PSEN1: variants seen among roughly 807,000 people sequenced by gnomAD.
PSEN1 encodes presenilin 1.
Under a neutral mutation model 53.5 loss-of-function variants are expected in PSEN1, and 15 were observed. That is an observed-to-expected ratio of 0.28 (90% confidence interval 0.19 to 0.43). The LOEUF is 0.43. Ranked by LOEUF, PSEN1 falls within the 20% of genes least tolerant of loss-of-function variation. PSEN1 has a pLI of 1.00. For synonymous variants in PSEN1, 208 were observed against 209.8 expected, an observed-to-expected ratio of 0.99 and a Z score of 0.08; for missense variants, 387 against 571.2, an observed-to-expected ratio of 0.68 and a Z score of 3.29.
intron 1 of PSEN1, among the ~76,000 whole-genome samples, chr14:73,140,132 T>C (rs1896876790): frequency 1.3e-5 from 2 of 151,830 alleles, no homozygotes; most frequent in Admixed American, 1.3e-4. Context: ...TACAAAGGTA[T>C]ATAGGACCAT....
chr14:73,173,899 T>G (rs1595003120), intron 5 of PSEN1, 192 bp downstream of exon 5: 2 of 719,862 alleles, frequency 2.8e-6, no homozygotes, highest in South Asian at 3.3e-5. Context: ...GCATGTGTAA[T>G]GCCAGGCTCA....
intron 11 of PSEN1, among the ~76,000 whole-genome samples, chr14:73,218,546 T>C (rs1900016713): frequency 6.6e-6 from 1 of 152,096 alleles, no homozygotes; most frequent in Non-Finnish European, 1.5e-5. Context: ...AAGAAAGCAG[T>C]GTACTCCTCA....
At chr14:73,209,756 G>A (rs147519551) in intron 9 of PSEN1, among the ~76,000 whole-genome samples, 183 of 152,352 alleles carry the variant, frequency 1.2e-3, no homozygotes, top group Non-Finnish European at 2.0e-3. Flanking sequence ...GGTAATAGGG[G>A]ACGGCCCGCT....
intron 10 of PSEN1, 123 bp downstream of exon 10, chr14:73,212,065 A>G (rs1471506506): frequency 4.1e-6 from 1 of 244,184 alleles, no homozygotes; most frequent in East Asian, 1.3e-4. Flanking sequence ...TGTAACTTTT[A>G]TTTGGATATA....
rs1218864605 is a variant in PSEN1 at position 73,183,929 on chromosome 14, G to A, written c.481-2924G>A. On this transcript the variant is annotated intron_variant, in intron 5 of 11. Transcript: ENST00000324501. ...GGGGCGGCTGGCCGGGCGGGGGGCT[G>A]ACCCCCCCACCTCCCTCCCGGACGG... Among the ~76,000 whole-genome samples, 52 of 147,622 alleles carry A rather than the reference G, an allele frequency of 3.5e-4. No homozygotes were observed. The South Asian group carries it at 0.011, about 31-fold the overall frequency.
intron 5 of PSEN1, among the ~76,000 whole-genome samples, chr14:73,175,349 ACTC>A (rs1252115509): frequency 6.6e-6 from 1 of 150,936 alleles, no homozygotes; most frequent in African/African-American, 2.4e-5. Context: ...CTGGTCTAGA[ACTC>A]CTGACCTCAG....
chr14:73,146,993 G>GCGCCAAGA (rs962025228), intron 1 of PSEN1, among the ~76,000 whole-genome samples: 3 of 151,964 alleles, frequency 2.0e-5, no homozygotes, highest in African/African-American at 4.8e-5. Context: ...AAATAAGGCT[G>GCGCCAAGA]CGCCAAGATC....
At chr14:73,152,533 G>C (rs562710736) in intron 3 of PSEN1, among the ~76,000 whole-genome samples, 1 of 151,872 alleles carries the variant, frequency 6.6e-6, no homozygotes, top group African/African-American at 2.4e-5. Context: ...CTTGAACCCA[G>C]GACTCAGAGG....
rs558434473 is a variant in PSEN1 at position 73,184,421 on chromosome 14, C to T, written c.481-2432C>T. On this transcript the variant is annotated intron_variant, in intron 5 of 11. Coordinates refer to ENST00000324501, the MANE Select transcript of PSEN1 (RefSeq NM_000021.4). The stretch of plus-strand genomic sequence containing the variant: ...CCCCCCACCTCCCTCTCCGACGGGG[C>T]GGCTGGCCTGGCAGAGGGGCTCCTC... 1.5e-3 allele frequency among the ~76,000 whole-genome samples: 169 copies of T among 112,760 alleles called. 12 individuals are homozygous for T. Among genetic ancestry groups the T allele is most frequent in the Non-Finnish European group, 2.4e-3 (131 of 53,622 alleles). 74.0% of individuals were successfully genotyped at this position (112,760 alleles called of 152,430 possible). A position where few individuals can be genotyped will look rare whatever the true frequency, so the allele number is the denominator to read the frequency against.
intron 7 of PSEN1, among the ~76,000 whole-genome samples, chr14:73,194,717 T>C (rs1898870303): frequency 6.6e-6 from 1 of 151,936 alleles, no homozygotes; most frequent in South Asian, 2.1e-4. Context: ...TACAGGCATC[T>C]GCCACCACGC....
At position 73,221,360 on chromosome 14, in the gene PSEN1, G is replaced by A. The variant is rs1900114977; in HGVS notation, c.*2071G>A. 6.6e-6 allele frequency: 1 copy of A among 152,198 alleles called. No individual in the cohort carries two copies. The highest frequency in any genetic ancestry group is 2.1e-4 in the South Asian group (1 of 4,832). The allele number at this position is 152,198 out of a possible 1,614,324, so 9.4% of individuals were successfully genotyped here. A position where few individuals can be genotyped will look rare whatever the true frequency, so the allele number is the denominator to read the frequency against. Reference sequence around the variant, plus strand: ...GCAATTTGTGATTGGAAGCATTCTTGAGGGATCCCTAATCTAGAGTAATTT... The same window carrying A: ...GCAATTTGTGATTGGAAGCATTCTTAAGGGATCCCTAATCTAGAGTAATTT... On this transcript the variant is annotated 3_prime_UTR_variant, in exon 12 of 12. Coordinates refer to ENST00000324501, the MANE Select transcript of PSEN1 (RefSeq NM_000021.4).
At chr14:73,195,033 ACTCT>A (rs1365199412) in intron 7 of PSEN1, among the ~76,000 whole-genome samples, 1 of 151,898 alleles carries the variant, frequency 6.6e-6, no homozygotes, top group African/African-American at 2.4e-5. Flanking sequence ...GAAGTCATAT[ACTCT>A]CTCTGACTTT....
chr14:73,202,445 TATATATATATATATA>T (rs1566648280), intron 8 of PSEN1, among the ~76,000 whole-genome samples: 11 of 17,508 alleles, frequency 6.3e-4, no homozygotes, highest in African/African-American at 2.1e-3. Flanking sequence ...TATATATATA[TATATATATATATATA>T]TATTTTTTTT....
chr14:73,183,451 G>A (rs1013827868), intron 5 of PSEN1, among the ~76,000 whole-genome samples: 2 of 151,920 alleles, frequency 1.3e-5, no homozygotes, highest in Non-Finnish European at 1.5e-5. Context: ...GCGGCCTTCC[G>A]CAGTGTTTGT....
intron 5 of PSEN1, among the ~76,000 whole-genome samples, chr14:73,176,450 T>A (rs1388139150): frequency 6.6e-6 from 1 of 152,252 alleles, no homozygotes; most frequent in Non-Finnish European, 1.5e-5. Flanking sequence ...TTCTTTCTTA[T>A]AATCTAGAAT....
chr14:73,192,540 G>T (rs533966057), intron 6 of PSEN1, 104 bp from the exon 7 acceptor site: 18 of 802,544 alleles, frequency 2.2e-5, no homozygotes, highest in South Asian at 2.0e-4. Flanking sequence ...AATTATAAAG[G>T]TGGGATATTA....
chr14:73,206,801 C>G (rs1032932498), intron 9 of PSEN1, among the ~76,000 whole-genome samples: 1 of 151,658 alleles, frequency 6.6e-6, no homozygotes, highest in African/African-American at 2.4e-5. Context: ...AAAATAAACT[C>G]TCTCCAAACA....
chr14:73,212,012 A>T, intron 10 of PSEN1, 70 bp downstream of exon 10: 9 of 1,330,016 alleles, frequency 6.8e-6, no homozygotes, highest in Non-Finnish European at 9.4e-6. Context: ...CCTTTTTGAG[A>T]ATAAAATGAA....
chr14:73,171,111 C>G, intron 4 of PSEN1, 64 bp downstream of exon 4: 1 of 1,593,606 alleles, frequency 6.3e-7, no homozygotes, highest in South Asian at 1.1e-5. Flanking sequence ...AGCATGTCAT[C>G]ATCACCTTGA....
Sources: gnomAD v4.1 joint callset for allele counts (sites outside exome capture counted in the v4.1 genomes callset) on GRCh38, gnomAD v4.1.1 for gene constraint, MANE v1.5 for transcripts, NCBI Gene and HGNC (gene_info 2026-07-23, HGNC 2026-07-21) for gene names.